Variants in NSMAF observed in about 807,000 individuals in gnomAD.
NSMAF encodes protein FAN.
In NSMAF, 90 loss-of-function variants were observed where a neutral mutation model predicts 134.9. The observed-to-expected ratio is 0.67, with a 90% CI of 0.56 to 0.79. NSMAF has a LOEUF of 0.79. Ranked by LOEUF, NSMAF falls within the 30% of genes least tolerant of loss-of-function variation. The pLI is 0.00. For synonymous variants in NSMAF, 358 were observed against 389.6 expected (o/e 0.92, Z 0.96); for missense variants, 1,010 against 1,119.0 (o/e 0.90, Z 1.39).
At position 58,611,031 on chromosome 8, in the gene NSMAF, C is replaced by T. The variant is rs142686417; in HGVS notation, c.558-1298G>A. ...CCTGACAGAATAAGAGGTGGCTTGACCACTTCTGGAGGTAAATATTATTTA... is the reference window on the plus strand; with the variant it reads ...CCTGACAGAATAAGAGGTGGCTTGATCACTTCTGGAGGTAAATATTATTTA... On this transcript the variant is annotated intron_variant, in intron 9 of 30. Transcript: ENST00000038176. Among the ~76,000 whole-genome samples the T allele has an allele frequency of 6.9e-3, 1,052 of 152,262 alleles. 8 individuals are homozygous for T. The highest frequency in any genetic ancestry group is 0.012 in the Non-Finnish European group (794 of 68,026).
intron 26 of NSMAF, among the ~76,000 whole-genome samples, chr8:58,588,216 A>G (rs1245797053): frequency 2.0e-5 from 3 of 152,254 alleles, no homozygotes; most frequent in Non-Finnish European, 4.4e-5. Flanking sequence ...GTAAGATTTC[A>G]AAGAAAAGAC....
intron 9 of NSMAF, among the ~76,000 whole-genome samples, chr8:58,613,351 T>C (rs1238699186): frequency 1.3e-5 from 2 of 152,250 alleles, no homozygotes; most frequent in Non-Finnish European, 2.9e-5. Flanking sequence ...TGGAAATACA[T>C]TGGAGTAAGG....
intron 27 of NSMAF, among the ~76,000 whole-genome samples, 157 bp from the exon 28 acceptor site, chr8:58,586,765 C>T (rs1805895082): frequency 6.6e-6 from 1 of 152,142 alleles, no homozygotes; most frequent in East Asian, 1.9e-4. Context: ...CAACATCATC[C>T]TACGGAATAA....
At chr8:58,591,542 A>C (rs974458326) in intron 23 of NSMAF, among the ~76,000 whole-genome samples, 1 of 124,678 alleles carries the variant, frequency 8.0e-6, no homozygotes, top group African/African-American at 3.3e-5. Context: ...GCTGGAGTGC[A>C]TTGGTGTGAT....
At chr8:58,600,705 G>A (rs192340944) in intron 16 of NSMAF, among the ~76,000 whole-genome samples, 61 of 149,642 alleles carry the variant, frequency 4.1e-4, no homozygotes, top group Non-Finnish European at 5.5e-4. Context: ...GATATGTGTA[G>A]AGTTCAAAAA....
intron 1 of NSMAF, among the ~76,000 whole-genome samples, chr8:58,658,733 G>A (rs1807780498): frequency 6.6e-6 from 1 of 152,146 alleles, no homozygotes; most frequent in Non-Finnish European, 1.5e-5. Flanking sequence ...AATGCCCTGG[G>A]AACTATACAT....
At chr8:58,615,594 G>A (rs1309637970) in intron 9 of NSMAF, among the ~76,000 whole-genome samples, 1 of 152,158 alleles carries the variant, frequency 6.6e-6, no homozygotes, top group East Asian at 1.9e-4. Flanking sequence ...TGGGCCAAAG[G>A]AGAAATGATG....
At chr8:58,647,912 C>T (rs74639699) in intron 1 of NSMAF, among the ~76,000 whole-genome samples, 1 of 152,216 alleles carries the variant, frequency 6.6e-6, no homozygotes, top group African/African-American at 2.4e-5. Flanking sequence ...TACGTAAAGA[C>T]ATGGAAGCAG....
chr8:58,599,904 CA>C (rs1806236860), intron 17 of NSMAF, 34 bp from the exon 18 acceptor site: 2 of 1,613,240 alleles, frequency 1.2e-6, no homozygotes, highest in Non-Finnish European at 1.7e-6. Flanking sequence ...AAAAGAACAA[CA>C]AACATGTTTT....
chr8:58,645,167 TA>T (rs1402915142), intron 1 of NSMAF, among the ~76,000 whole-genome samples: 1 of 151,128 alleles, frequency 6.6e-6, no homozygotes, highest in Non-Finnish European at 1.5e-5. Context: ...ACAGGGTTTG[TA>T]AAGCATGAGG....
rs142642956 is a variant in NSMAF, at chr8:58,623,805, A to G, written c.385-25T>C. 132 of 1,579,728 alleles carry G rather than the reference A, an allele frequency of 8.4e-5. No homozygotes were observed. The African/African-American group carries it at 1.5e-3, about 19-fold the overall frequency. ...CCTAACAAAAAGGGGAAGATATCAA[A>G]ATACAGGAAGAGAAGAAGTGTGCCA... is the stretch of plus-strand genomic sequence containing the variant. On this transcript the variant is annotated intron_variant, in intron 6 of 30. Coordinates refer to ENST00000038176, the MANE Select transcript of NSMAF (RefSeq NM_003580.4).
At chr8:58,590,182 A>C in intron 24 of NSMAF, 108 bp from the exon 25 acceptor site, 1 of 913,100 alleles carries the variant, frequency 1.1e-6, no homozygotes, top group Non-Finnish European at 1.7e-6. Context: ...AATCGTCTTT[A>C]TGTGGCTCTC....
At chr8:58,621,364 T>C (rs1198563862) in intron 9 of NSMAF, among the ~76,000 whole-genome samples, 1 of 152,208 alleles carries the variant, frequency 6.6e-6, no homozygotes, top group Non-Finnish European at 1.5e-5. Context: ...GATGGGTATT[T>C]AGGTTGATTC....
intron 1 of NSMAF, chr8:58,659,277 G>A: frequency 2.6e-6 from 4 of 1,513,732 alleles, no homozygotes; most frequent in South Asian, 2.4e-5. Context: ...GCCCGCGGCC[G>A]CCGGGACCTG....
rs1421352699 is a variant in NSMAF, at chr8:58,589,990, G to A, written c.2087+17C>T. The A allele has an allele frequency of 1.2e-6, 2 of 1,607,894 alleles. No individual in the cohort carries two copies. The highest frequency in any genetic ancestry group is 8.5e-7 in the Non-Finnish European group (1 of 1,174,678). On this transcript the variant is annotated intron_variant, in intron 25 of 30. Transcript: ENST00000038176. ...TTCTGCACGTCGAATCACAGAGCAG[G>A]GTGCACAGATACATACACATTATTA...
At chr8:58,606,123 A>T in intron 11 of NSMAF, 88 bp from the exon 12 acceptor site, 1 of 1,136,902 alleles carries the variant, frequency 8.8e-7, no homozygotes. Context: ...AAAAACATTC[A>T]GTTAAACATT....
At chr8:58,637,990 GA>G (rs1354699569) in intron 2 of NSMAF, among the ~76,000 whole-genome samples, 1 of 152,044 alleles carries the variant, frequency 6.6e-6, no homozygotes, top group Admixed American at 6.6e-5. Context: ...AACAGAAACA[GA>G]AAAAAAGAAA....
intron 1 of NSMAF, among the ~76,000 whole-genome samples, chr8:58,650,210 G>C (rs1032229985): frequency 5.9e-5 from 9 of 152,136 alleles, no homozygotes; most frequent in African/African-American, 2.2e-4. Flanking sequence ...GTTACACCTG[G>C]TACCAGGCTA....
intron 23 of NSMAF, among the ~76,000 whole-genome samples, chr8:58,592,610 G>A (rs373092979): frequency 2.0e-5 from 3 of 152,164 alleles, no homozygotes; most frequent in Non-Finnish European, 2.9e-5. Flanking sequence ...TCTCTCGGCC[G>A]GGCGTGGTGG....
Sources: allele counts gnomAD v4.1 joint callset (sites outside exome capture counted in the v4.1 genomes callset), GRCh38; gene constraint gnomAD v4.1.1; transcripts MANE v1.5; gene names NCBI Gene and HGNC (gene_info 2026-07-23, HGNC 2026-07-21).